LYPLAL1: variants seen among roughly 807,000 people sequenced by gnomAD.
The protein encoded by LYPLAL1 is lysophospholipase like 1.
A neutral mutation model predicts 19.7 loss-of-function variants in LYPLAL1; 23 were observed. That is an observed-to-expected ratio of 1.17 (90% CI 0.84 to 1.65). The LOEUF is 1.65. Among genes scored for constraint, LYPLAL1 ranks in the 40% most tolerant of loss-of-function variants. LYPLAL1 has a pLI of 0.00. For missense variants in LYPLAL1, 355 were observed against 279.4 expected (o/e 1.27, Z -1.93); for synonymous variants, 119 against 96.3 (o/e 1.24, Z -1.38).
At chr1:219,289,890 A>T in the LYPLAL1 span, among the ~76,000 whole-genome samples, 1 of 152,182 alleles carries the variant, frequency 6.6e-6, no homozygotes, top group Non-Finnish European at 1.5e-5. Flanking sequence ...TGGCCACCCT[A>T]CCTTTTTCAT....
chr1:219,255,893 G>A, the LYPLAL1 span, among the ~76,000 whole-genome samples: 1 of 151,522 alleles, frequency 6.6e-6, no homozygotes, highest in South Asian at 2.1e-4. Flanking sequence ...TTAGTGTGAT[G>A]TTACATTGAT....
the LYPLAL1 span, among the ~76,000 whole-genome samples, chr1:219,260,785 C>A: frequency 4.6e-5 from 7 of 151,322 alleles, no homozygotes; most frequent in Admixed American, 4.6e-4. Context: ...CTCTGTATTT[C>A]CATGGAATAT....
intron 2 of LYPLAL1, among the ~76,000 whole-genome samples, chr1:219,184,911 G>A (rs888346923): frequency 6.0e-5 from 9 of 151,142 alleles, no homozygotes; most frequent in African/African-American, 1.7e-4. Flanking sequence ...TTTGAAAAAC[G>A]TTATCATCGG....
chr1:219,377,341 G>C, the LYPLAL1 span, among the ~76,000 whole-genome samples: 2 of 152,180 alleles, frequency 1.3e-5, no homozygotes, highest in African/African-American at 2.4e-5. Context: ...AGAGAGTGAG[G>C]AATGGGGAGT....
chr1:219,300,665 G>T, the LYPLAL1 span, among the ~76,000 whole-genome samples: 1 of 150,918 alleles, frequency 6.6e-6, no homozygotes, highest in Admixed American at 6.6e-5. Flanking sequence ...CTCCTGAGTA[G>T]CTGGGACTAC....
At chr1:219,440,207 T>C in the LYPLAL1 span, among the ~76,000 whole-genome samples, 2 of 151,832 alleles carry the variant, frequency 1.3e-5, no homozygotes, top group African/African-American at 4.8e-5. Context: ...AAAAAATATG[T>C]AACGTAGATT....
the LYPLAL1 span, among the ~76,000 whole-genome samples, chr1:219,382,660 C>G: frequency 2.0e-5 from 3 of 152,010 alleles, no homozygotes; most frequent in Non-Finnish European, 4.4e-5. Context: ...CTGCACCCAG[C>G]CCAAGTTGCC....
the LYPLAL1 span, among the ~76,000 whole-genome samples, chr1:219,277,401 C>A: frequency 6.6e-6 from 1 of 152,056 alleles, no homozygotes; most frequent in Non-Finnish European, 1.5e-5. Flanking sequence ...GAGCATAGAA[C>A]AGCCTGTGCC....
intron 3 of LYPLAL1, among the ~76,000 whole-genome samples, chr1:219,202,396 C>A (rs1658183887): frequency 6.6e-6 from 1 of 152,192 alleles, no homozygotes; most frequent in Non-Finnish European, 1.5e-5. Flanking sequence ...TTCTTCCCTA[C>A]CAGCTGCTTA....
chr1:219,432,602 C>T, the LYPLAL1 span, among the ~76,000 whole-genome samples: 5 of 152,016 alleles, frequency 3.3e-5, no homozygotes, highest in Non-Finnish European at 5.9e-5. Flanking sequence ...TAAGTGGACA[C>T]GATGGCATTC....
At chr1:219,320,070 A>G in the LYPLAL1 span, among the ~76,000 whole-genome samples, 1 of 152,360 alleles carries the variant, frequency 6.6e-6, no homozygotes, top group South Asian at 2.1e-4. Context: ...AATACGCAAG[A>G]CAGAAAATAT....
At chr1:219,328,624 A>G in the LYPLAL1 span, among the ~76,000 whole-genome samples, 2 of 152,188 alleles carry the variant, frequency 1.3e-5, no homozygotes, top group Non-Finnish European at 1.5e-5. Flanking sequence ...ACACGCTCAC[A>G]AATGGAACCA....
chr1:219,231,824 A>G, the LYPLAL1 span, among the ~76,000 whole-genome samples: 12 of 152,188 alleles, frequency 7.9e-5, no homozygotes, highest in Non-Finnish European at 1.5e-4. Flanking sequence ...ACAACTCTAT[A>G]TATGTTCTCA....
the LYPLAL1 span, among the ~76,000 whole-genome samples, chr1:219,252,834 T>C: frequency 7.1e-4 from 108 of 152,154 alleles, 1 homozygote; most frequent in South Asian, 0.022. Context: ...TTTCCAGTTT[T>C]TTGGAACGGT....
At chr1:219,257,082 C>G in the LYPLAL1 span, among the ~76,000 whole-genome samples, 5 of 151,880 alleles carry the variant, frequency 3.3e-5, no homozygotes, top group Non-Finnish European at 7.4e-5. Flanking sequence ...TTGTCTTTTT[C>G]AGATGTTCTG....
chr1:219,376,020 C>G, the LYPLAL1 span, among the ~76,000 whole-genome samples: 7 of 151,960 alleles, frequency 4.6e-5, no homozygotes, highest in East Asian at 3.9e-4. Flanking sequence ...GGATTACAGC[C>G]GTGAGCCACT....
chr1:219,320,781 T>C, the LYPLAL1 span, among the ~76,000 whole-genome samples: 1 of 152,236 alleles, frequency 6.6e-6, no homozygotes. Context: ...CATCCTTTTT[T>C]ATTGCTGCAT....
chr1:219,407,533 A>T, the LYPLAL1 span, among the ~76,000 whole-genome samples: 2 of 152,354 alleles, frequency 1.3e-5, no homozygotes, highest in Admixed American at 1.3e-4. Flanking sequence ...GCTTGTGAGC[A>T]TCAATGTATG....
Position 219,179,168 on chromosome 1 carries a change from G to A in LYPLAL1, c.113G>A (p.Arg38Lys). 1.2e-6 allele frequency: 2 copies of A among 1,611,680 alleles called. No individual in the cohort carries two copies. Among genetic ancestry groups the A allele is most frequent in the Non-Finnish European group, 1.7e-6 (2 of 1,179,030 alleles). ...HGSGDSGQGL[R>K]MWIKQVLNQD... ...TCAGGTGATTCTGGACAAGGATTAA[G>A]AATGTGGATCAAGCAGGTTTTAAAT... The change falls in exon 2 of 5, where the codon AGA (arginine) becomes AAA (lysine). Residue 38 changes from arginine (R) to lysine (K), a missense_variant. By Grantham distance (26) the Arg-to-Lys change is conservative (BLOSUM62 2). Coordinates refer to ENST00000366928, the MANE Select transcript of LYPLAL1 (RefSeq NM_138794.5).
Sources: allele counts gnomAD v4.1 joint callset (sites outside exome capture counted in the v4.1 genomes callset), GRCh38; gene constraint gnomAD v4.1.1; transcripts MANE v1.5; gene names NCBI Gene and HGNC (gene_info 2026-07-23, HGNC 2026-07-21).